ACSS3: variants seen among roughly 807,000 people sequenced by gnomAD.
ACSS3 encodes acyl-CoA synthetase short chain family member 3, also known as acyl-CoA synthetase short-chain family member 3, mitochondrial.
Under a neutral mutation model 84.2 loss-of-function variants are expected in ACSS3, and 64 were observed. The observed-to-expected ratio is 0.76, with a 90% CI of 0.62 to 0.94. ACSS3 has a LOEUF of 0.94. ACSS3 is among the 40% of genes least tolerant of loss of function. ACSS3 has a pLI of 0.00. For synonymous variants in ACSS3, 317 were observed against 310.1 expected (o/e 1.02, Z -0.23); for missense variants, 815 against 867.6 (o/e 0.94, Z 0.76).
At chr12:81,215,049 C>T (rs2032852772) in intron 9 of ACSS3, among the ~76,000 whole-genome samples, 1 of 152,172 alleles carries the variant, frequency 6.6e-6, no homozygotes, top group Admixed American at 6.5e-5. Context: ...GCTCTGGTCT[C>T]TCATATCCAT....
At chr12:81,184,533 T>C (rs1423635749) in intron 8 of ACSS3, among the ~76,000 whole-genome samples, 1 of 151,436 alleles carries the variant, frequency 6.6e-6, no homozygotes, top group African/African-American at 2.4e-5. Flanking sequence ...TTACAAACTC[T>C]TAATGAAAAG....
chr12:81,195,684 A>G (rs944595798), intron 8 of ACSS3, among the ~76,000 whole-genome samples: 5 of 151,752 alleles, frequency 3.3e-5, no homozygotes, highest in African/African-American at 1.2e-4. Flanking sequence ...CCTTGTTCTC[A>G]AAGGTTTAAA....
intron 1 of ACSS3, among the ~76,000 whole-genome samples, chr12:81,094,898 G>C (rs1374217628): frequency 2.0e-5 from 3 of 152,082 alleles, no homozygotes; most frequent in Non-Finnish European, 2.9e-5. Flanking sequence ...ATTAACACCA[G>C]GTCAGCTAGT....
At chr12:81,168,175 G>T (rs1247455033) in intron 7 of ACSS3, among the ~76,000 whole-genome samples, 1 of 152,092 alleles carries the variant, frequency 6.6e-6, no homozygotes, top group Non-Finnish European at 1.5e-5. Context: ...GCATTAAAAG[G>T]GTAGTCTTGG....
intron 8 of ACSS3, among the ~76,000 whole-genome samples, chr12:81,195,519 C>A (rs76110323): frequency 6.6e-6 from 1 of 152,072 alleles, no homozygotes; most frequent in Non-Finnish European, 1.5e-5. Context: ...TCTCAAATTA[C>A]AAATATATAC....
At chr12:81,159,781 G>T (rs772347172) in intron 7 of ACSS3, among the ~76,000 whole-genome samples, 1 of 152,210 alleles carries the variant, frequency 6.6e-6, no homozygotes, top group Non-Finnish European at 1.5e-5. Flanking sequence ...GTGTGTATGC[G>T]CATTCACATG....
intron 13 of ACSS3, 129 bp from the exon 14 acceptor site, chr12:81,253,178 T>C (rs2034204513): frequency 1.0e-6 from 1 of 986,942 alleles, no homozygotes; most frequent in Non-Finnish European, 1.5e-6. Context: ...TGGCTTGTCT[T>C]ACATGCACTT....
In ACSS3 at chr12:81,259,572, C is replaced by T; in HGVS notation, c.*4650C>T. 1 of 1,454,496 alleles carries T rather than the reference C, an allele frequency of 6.9e-7. No homozygotes were observed. The highest frequency in any genetic ancestry group is 9.3e-7 in the Non-Finnish European group (1 of 1,074,956). 90.1% of individuals were successfully genotyped at this position (1,454,496 alleles called of 1,614,324 possible). On this transcript the variant is annotated 3_prime_UTR_variant, in exon 16 of 16. Coordinates refer to ENST00000548058, the MANE Select transcript of ACSS3 (RefSeq NM_024560.4). ...TTAATAAGTCATGACGTCATTATTT[C>T]CTTAGAATTCAGTTTTCACAAAGGT...
intron 11 of ACSS3, among the ~76,000 whole-genome samples, chr12:81,220,548 G>C (rs1034993566): frequency 3.3e-5 from 5 of 151,846 alleles, no homozygotes; most frequent in African/African-American, 1.2e-4. Context: ...CACCCAAATA[G>C]TGAACATAGT....
At chr12:81,114,020 A>G (rs1048551614) in intron 2 of ACSS3, among the ~76,000 whole-genome samples, 5 of 152,050 alleles carry the variant, frequency 3.3e-5, no homozygotes, top group African/African-American at 1.2e-4. Flanking sequence ...CTTTATTTTC[A>G]CCATCACTAA....
chr12:81,087,000 G>A (rs1881362712), intron 1 of ACSS3, among the ~76,000 whole-genome samples: 1 of 152,060 alleles, frequency 6.6e-6, no homozygotes, highest in Non-Finnish European at 1.5e-5. Flanking sequence ...TGTTTTAGTT[G>A]AATGAGGTAA....
chr12:81,168,132 C>G (rs1887489887), intron 7 of ACSS3, among the ~76,000 whole-genome samples: 1 of 152,076 alleles, frequency 6.6e-6, no homozygotes, highest in African/African-American at 2.4e-5. Context: ...ATTGTTGGTT[C>G]TTTGAGAATA....
intron 12 of ACSS3, 98 bp downstream of exon 12, chr12:81,231,236 A>G (rs2033452461): frequency 1.9e-6 from 2 of 1,032,090 alleles, no homozygotes; most frequent in Non-Finnish European, 2.8e-6. Flanking sequence ...TAGATCAAAA[A>G]GAAACTTTTA....
At chr12:81,094,978 CT>C (rs1881936756) in intron 1 of ACSS3, among the ~76,000 whole-genome samples, 3 of 152,110 alleles carry the variant, frequency 2.0e-5, no homozygotes, top group Non-Finnish European at 4.4e-5. Flanking sequence ...TCATTTCCTT[CT>C]TTGTTCATCA....
chr12:81,228,983 C>G (rs1032395857), intron 11 of ACSS3, among the ~76,000 whole-genome samples: 2 of 151,720 alleles, frequency 1.3e-5, no homozygotes, highest in African/African-American at 4.8e-5. Flanking sequence ...CTCCTGTATA[C>G]CAGCAATCAG....
chr12:81,101,169 G>T (rs1375053703), intron 1 of ACSS3, among the ~76,000 whole-genome samples: 1 of 152,070 alleles, frequency 6.6e-6, no homozygotes, highest in Non-Finnish European at 1.5e-5. Flanking sequence ...ATAAGTGGAA[G>T]AAATGCTTCT....
At chr12:81,158,060 G>C (rs147652722) in intron 7 of ACSS3, among the ~76,000 whole-genome samples, 2 of 151,796 alleles carry the variant, frequency 1.3e-5, no homozygotes, top group African/African-American at 4.8e-5. Context: ...ATCAGCAATG[G>C]CCACATATGG....
At chr12:81,246,824 G>A (rs1426453550) in intron 13 of ACSS3, among the ~76,000 whole-genome samples, 1 of 152,216 alleles carries the variant, frequency 6.6e-6, no homozygotes, top group East Asian at 1.9e-4. Context: ...AGAAAAAATA[G>A]CTATTGGGTA....
chr12:81,193,731 C>T (rs1192640564), intron 8 of ACSS3, among the ~76,000 whole-genome samples: 5 of 151,844 alleles, frequency 3.3e-5, no homozygotes, highest in African/African-American at 7.2e-5. Context: ...ATATGATAGG[C>T]ACATGTGATT....
Sources: allele counts gnomAD v4.1 joint callset (sites outside exome capture counted in the v4.1 genomes callset), GRCh38; gene constraint gnomAD v4.1.1; transcripts MANE v1.5; gene names NCBI Gene and HGNC (gene_info 2026-07-23, HGNC 2026-07-21).